ADCY7: variants seen among roughly 807,000 people sequenced by gnomAD.
ADCY7 encodes adenylate cyclase type 7.
A neutral mutation model predicts 120.6 loss-of-function variants in ADCY7; 72 were observed. That is an observed-to-expected ratio of 0.60 (90% confidence interval 0.49 to 0.73). The LOEUF (loss-of-function observed/expected upper bound fraction) is 0.73. ADCY7 is among the 30% of genes least tolerant of loss of function. ADCY7 has a pLI of 0.00. For missense variants in ADCY7, 1,227 were observed against 1,486.0 expected, an observed-to-expected ratio of 0.83 and a Z score of 2.87; for synonymous variants, 661 against 628.0, an observed-to-expected ratio of 1.05 and a Z score of -0.78.
At chr16:50,286,472 T>C (rs1429623843) in intron 1 of ADCY7, among the ~76,000 whole-genome samples, 1 of 148,610 alleles carries the variant, frequency 6.7e-6, no homozygotes, top group African/African-American at 2.5e-5. Flanking sequence ...CAGTTTTATG[T>C]GGAGCTTACT....
chr16:50,295,329 C>T, intron 7 of ADCY7, among the ~76,000 whole-genome samples: 1 of 150,250 alleles, frequency 6.7e-6, no homozygotes, highest in African/African-American at 2.5e-5. Flanking sequence ...CAGGCATGCA[C>T]CACCACGCCT....
intron 1 of ADCY7, among the ~76,000 whole-genome samples, chr16:50,275,705 C>G (rs904220488): frequency 6.6e-6 from 1 of 152,152 alleles, no homozygotes; most frequent in East Asian, 1.9e-4. Context: ...TTTTCATGTT[C>G]CTGCTTTTGG....
intron 1 of ADCY7, 53 bp from the exon 2 acceptor site, chr16:50,287,859 C>T (rs1207247359): frequency 6.3e-6 from 2 of 319,178 alleles, no homozygotes; most frequent in African/African-American, 4.3e-5. Flanking sequence ...TGATGCTAGC[C>T]CTCCCCTGAC....
intron 1 of ADCY7, among the ~76,000 whole-genome samples, chr16:50,247,072 A>C (rs955348267): frequency 6.6e-6 from 1 of 152,220 alleles, no homozygotes; most frequent in Non-Finnish European, 1.5e-5. Flanking sequence ...TGAATGAATG[A>C]ATGAATGCAT....
In ADCY7 at chr16:50,288,260, C is replaced by T. The variant is rs1326945724; in HGVS notation, c.81C>T (p.Leu27=). The T allele has an allele frequency of 7.7e-6, 12 of 1,551,140 alleles. No homozygotes were observed. Among genetic ancestry groups the T allele is most frequent in the African/African-American group, 1.4e-5 (1 of 73,058 alleles). Residue 27 remains leucine, a synonymous_variant, in exon 2 of 26, where the codon CTC becomes CTT. Transcript: ENST00000673801. ...DQDALYEKYQ[L]TSQHGPLLLT... is the part of the protein sequence containing the mutation. The stretch of plus-strand genomic sequence containing the variant: ...ATGCGCTCTACGAGAAGTACCAGCT[C>T]ACCAGCCAGCATGGGCCGCTGCTGC...
Position 50,291,787 on chromosome 16 carries a change from A to G in ADCY7, c.427A>G (p.Ser143Gly), listed in dbSNP as rs772072291. Residue 143 changes from serine (S) to glycine (G), a missense_variant, in exon 4 of 26, where the codon AGC becomes GGC. Physicochemically the swap from Ser to Gly is moderately conservative, Grantham distance 56. Transcript: ENST00000673801. ...CGTGGTGTACACACTACTGCCCTTC[A>G]GCATGCGGGGCGCTGTCGCCGTTGG... The part of the protein sequence containing the change: ...VFVVYTLLPF[S>G]MRGAVAVGAV... 11 of 1,614,044 alleles carry G rather than the reference A, an allele frequency of 6.8e-6. No individual in the cohort carries two copies. The highest frequency in any genetic ancestry group is 7.6e-6 in the Non-Finnish European group (9 of 1,179,962).
intron 17 of ADCY7, 56 bp from the exon 18 acceptor site, chr16:50,309,492 T>G: frequency 2.0e-6 from 3 of 1,483,356 alleles, no homozygotes. Context: ...TTGCATGGCT[T>G]GGGCAGGTTC....
chr16:50,293,565 C>A, intron 6 of ADCY7, 63 bp downstream of exon 6: 1 of 1,569,814 alleles, frequency 6.4e-7, no homozygotes, highest in South Asian at 1.1e-5. Flanking sequence ...CACCGGCCCC[C>A]AGGCGGCCTC....
chr16:50,305,368 C>T (rs939588629), intron 12 of ADCY7, 135 bp from the exon 13 acceptor site: 3 of 804,810 alleles, frequency 3.7e-6, no homozygotes, highest in Non-Finnish European at 4.1e-6. Context: ...CTCTCTGGGC[C>T]TCAGTGGGAC....
At position 50,317,412 on chromosome 16, in the gene ADCY7, AG is replaced by A. The variant is rs2036853269; in HGVS notation, c.*1909del. The A allele has an allele frequency of 6.6e-6, 1 of 150,582 alleles. No homozygotes were observed. Among genetic ancestry groups the A allele is most frequent in the African/African-American group, 2.5e-5 (1 of 39,772 alleles). The allele number at this position is 150,582 out of a possible 1,614,324, so 9.3% of individuals were successfully genotyped here. The stretch of plus-strand genomic sequence containing the variant: ...CCGGCGGGGGCTCTCCTGGCAAGTC[AG>A]GAAGGTTTCTGTTGCTAATATAACA... On this transcript the variant is annotated 3_prime_UTR_variant, in exon 26 of 26. Coordinates refer to ENST00000673801, the MANE Select transcript of ADCY7 (RefSeq NM_001114.5).
chr16:50,308,772 A>G lies in ADCY7; in HGVS notation c.2041A>G (p.Thr681Ala), dbSNP rs1218197460. Residue 681 changes from threonine (T) to alanine (A), a missense_variant, in exon 17 of 26, where the codon ACT (threonine) becomes GCT (alanine). Transcript: ENST00000673801. ...CGTCCTGACCATCGGCAGCCTGCTC[A>G]CTGTGGCCATCATCAACCTGGTGGG... Reference protein sequence around the residue: ...LAVLTIGSLLTVAIINLPLMP... With the variant: ...LAVLTIGSLLAVAIINLPLMP... The G allele has an allele frequency of 6.2e-7, 1 of 1,611,282 alleles. No homozygotes were observed.
At chr16:50,269,941 C>T (rs146401932) in intron 1 of ADCY7, among the ~76,000 whole-genome samples, 149 of 152,232 alleles carry the variant, frequency 9.8e-4, no homozygotes, top group African/African-American at 3.3e-3. Flanking sequence ...GCAGTCCCAG[C>T]GCTTTGGGAG....
At position 50,311,884 on chromosome 16, in the gene ADCY7, G is replaced by A; in HGVS notation, c.2448+98G>A. ...GGGTGGGGTGGGCTCAGGTGGAGTA[G>A]CAGAAAAGACTAGAGTCCTGCCAGG... is the stretch of plus-strand genomic sequence containing the variant. On this transcript the variant is annotated intron_variant, in intron 20 of 25. Transcript: ENST00000673801. 6.9e-6 allele frequency: 10 copies of A among 1,446,170 alleles called. No homozygotes were observed. The South Asian group carries it at 1.2e-4, about 17-fold the overall frequency. The allele number at this position is 1,446,170 out of a possible 1,614,324, so 89.6% of individuals were successfully genotyped here.
At chr16:50,300,691 G>C in intron 8 of ADCY7, 24 bp from the exon 9 acceptor site, 1 of 1,550,802 alleles carries the variant, frequency 6.4e-7, no homozygotes, top group East Asian at 2.4e-5. Context: ...GCAGGGCTGG[G>C]GTGACTGGGC....
intron 1 of ADCY7, among the ~76,000 whole-genome samples, chr16:50,276,367 G>A (rs546303870): frequency 2.0e-5 from 3 of 152,318 alleles, no homozygotes; most frequent in East Asian, 1.9e-4. Context: ...GACAGGTGCC[G>A]GGCCCTCTCA....
At chr16:50,304,262 G>A (rs973318190) in intron 10 of ADCY7, 98 bp from the exon 11 acceptor site, 16 of 1,172,956 alleles carry the variant, frequency 1.4e-5, no homozygotes, top group Admixed American at 7.1e-5. Context: ...GGCTCAGGGC[G>A]GCGTCACACT....
intron 1 of ADCY7, among the ~76,000 whole-genome samples, chr16:50,282,062 A>C (rs1392645887): frequency 1.3e-5 from 2 of 152,054 alleles, no homozygotes; most frequent in African/African-American, 4.8e-5. Flanking sequence ...GGAGGCTTCC[A>C]TGCCCCCCTC....
At chr16:50,294,813 GGTGTCCTGTGTTCA>G in intron 7 of ADCY7, 62 bp downstream of exon 7, 2 of 1,213,212 alleles carry the variant, frequency 1.6e-6, no homozygotes, top group Non-Finnish European at 2.4e-6. Flanking sequence ...ACACCCCAGG[GGTGTCCTGTGTTCA>G]GTGCCCTGCT....
intron 6 of ADCY7, 150 bp downstream of exon 6, chr16:50,293,652 G>T: frequency 1.0e-6 from 1 of 963,836 alleles, no homozygotes; most frequent in Non-Finnish European, 1.5e-6. Context: ...GTCAATCTGG[G>T]GCCCTCCCTG....
Sources: allele counts gnomAD v4.1 joint callset (sites outside exome capture counted in the v4.1 genomes callset), GRCh38; gene constraint gnomAD v4.1.1; transcripts MANE v1.5; gene names NCBI Gene and HGNC (gene_info 2026-07-23, HGNC 2026-07-21).